RGS22: variants seen among roughly 807,000 people sequenced by gnomAD.
RGS22 encodes the protein regulator of G protein signaling 22.
Under a neutral mutation model 172.9 loss-of-function variants are expected in RGS22, and 148 were observed. The ratio of observed to expected loss-of-function variants is 0.86; its 90% CI spans 0.75 to 0.98. RGS22 has a LOEUF of 0.98. Among genes scored for constraint, RGS22 ranks in the 50% least tolerant of loss-of-function variants. The pLI is 0.00. For missense variants in RGS22, 1,347 were observed against 1,440.8 expected (o/e 0.93, Z 1.05); for synonymous variants, 458 against 480.2 (o/e 0.95, Z 0.60).
intron 23 of RGS22, among the ~76,000 whole-genome samples, chr8:99,975,954 C>A (rs532278887): frequency 2.0e-5 from 3 of 152,268 alleles, no homozygotes; most frequent in Non-Finnish European, 2.9e-5. Context: ...CTTTGGGAGG[C>A]TGAGGTGGGC....
intron 14 of RGS22, among the ~76,000 whole-genome samples, chr8:100,029,448 TC>T (rs1447065603): frequency 2.0e-5 from 3 of 152,242 alleles, no homozygotes; most frequent in Admixed American, 6.5e-5. Flanking sequence ...ATGCCTGTAA[TC>T]CCAGCACTTT....
At chr8:99,976,201 TA>T (rs947677014) in intron 23 of RGS22, among the ~76,000 whole-genome samples, 2 of 151,156 alleles carry the variant, frequency 1.3e-5, no homozygotes, top group East Asian at 2.0e-4. Context: ...AGAAATAAAA[TA>T]AAAAAAATAA....
At chr8:100,024,624 T>C (rs1406130633) in intron 14 of RGS22, among the ~76,000 whole-genome samples, 1 of 152,184 alleles carries the variant, frequency 6.6e-6, no homozygotes, top group East Asian at 1.9e-4. Context: ...TAGTTTAAGA[T>C]ATTAAAGTGA....
chr8:100,001,213 TATATATAC>T (rs1168730298), intron 18 of RGS22, among the ~76,000 whole-genome samples: 3 of 133,272 alleles, frequency 2.3e-5, no homozygotes, highest in South Asian at 4.7e-4. Flanking sequence ...TATATATATA[TATATATAC>T]ATATATATAT....
At chr8:100,051,558 TATAA>T (rs375080371) in intron 10 of RGS22, among the ~76,000 whole-genome samples, 253 of 18,188 alleles carry the variant, frequency 0.014, 77 homozygotes, top group East Asian at 0.023. Context: ...CATGTATTTA[TATAA>T]ATATATATTT....
chr8:99,980,695 T>C (rs571259534), intron 22 of RGS22, among the ~76,000 whole-genome samples: 1 of 152,312 alleles, frequency 6.6e-6, no homozygotes, highest in East Asian at 1.9e-4. Flanking sequence ...GTAGAAGTCA[T>C]AGGCTAGAAG....
At chr8:99,994,367 C>T (rs902932150) in intron 20 of RGS22, among the ~76,000 whole-genome samples, 24 of 152,146 alleles carry the variant, frequency 1.6e-4, no homozygotes, top group African/African-American at 4.3e-4. Flanking sequence ...TAGAAAACCC[C>T]GTCATCTCAG....
At chr8:100,101,144 AAGTC>A (rs1813440497) in intron 2 of RGS22, among the ~76,000 whole-genome samples, 1 of 152,194 alleles carries the variant, frequency 6.6e-6, no homozygotes. Context: ...TTGAATGTAA[AAGTC>A]AGGCTCTTAA....
intron 2 of RGS22, among the ~76,000 whole-genome samples, chr8:100,097,448 T>TG (rs1287063249): frequency 6.6e-6 from 1 of 152,206 alleles, no homozygotes; most frequent in Non-Finnish European, 1.5e-5. Flanking sequence ...GATGGACTGA[T>TG]GGATGATGAG....
chr8:100,088,424 C>A (rs535574500), intron 3 of RGS22, among the ~76,000 whole-genome samples: 1 of 151,984 alleles, frequency 6.6e-6, no homozygotes, highest in African/African-American at 2.4e-5. Flanking sequence ...GCATAAAACA[C>A]ACAAAACAAA....
chr8:99,983,182 C>T (rs1025337987), intron 21 of RGS22, among the ~76,000 whole-genome samples: 1 of 152,150 alleles, frequency 6.6e-6, no homozygotes, highest in Non-Finnish European at 1.5e-5. Context: ...ATATGTACCA[C>T]ATTTTCTTTA....
intron 7 of RGS22, 67 bp from the exon 8 acceptor site, chr8:100,064,110 T>TG: frequency 8.3e-7 from 1 of 1,205,202 alleles, no homozygotes; most frequent in Admixed American, 2.6e-5. Flanking sequence ...ATTAAATAGA[T>TG]GCTATAGAGC....
At chr8:99,988,746 T>C (rs971949133) in intron 20 of RGS22, among the ~76,000 whole-genome samples, 2 of 152,164 alleles carry the variant, frequency 1.3e-5, no homozygotes, top group Non-Finnish European at 2.9e-5. Flanking sequence ...AACTGAAAAG[T>C]GAAGGCAACT....
intron 14 of RGS22, among the ~76,000 whole-genome samples, chr8:100,017,766 A>G (rs1001530202): frequency 6.6e-6 from 1 of 152,210 alleles, no homozygotes; most frequent in African/African-American, 2.4e-5. Context: ...TGATATATAA[A>G]TAATATAGTC....
intron 14 of RGS22, among the ~76,000 whole-genome samples, chr8:100,018,254 T>A (rs1370807902): frequency 6.6e-6 from 1 of 152,058 alleles, no homozygotes. Flanking sequence ...TAAAAAATCT[T>A]TTACAGTACT....
At chr8:100,054,956 G>A (rs2131722023) in intron 9 of RGS22, among the ~76,000 whole-genome samples, 1 of 152,290 alleles carries the variant, frequency 6.6e-6, no homozygotes, top group Middle Eastern at 3.4e-3. Flanking sequence ...AGCACTACAA[G>A]TTATGCTTTG....
At chr8:99,977,824 C>G in intron 23 of RGS22, 93 bp downstream of exon 23, 3 of 1,077,046 alleles carry the variant, frequency 2.8e-6, no homozygotes, top group Non-Finnish European at 4.0e-6. Flanking sequence ...CATAACTTCT[C>G]TCTATATATC....
chr8:100,022,911 G>A (rs2131469943), intron 14 of RGS22, among the ~76,000 whole-genome samples: 1 of 151,964 alleles, frequency 6.6e-6, no homozygotes, highest in Middle Eastern at 3.4e-3. Flanking sequence ...TATTTTTTTT[G>A]TAGAGATAGG....
chr8:100,017,242 A>G (rs1588982950), intron 14 of RGS22, among the ~76,000 whole-genome samples: 1 of 151,960 alleles, frequency 6.6e-6, no homozygotes, highest in African/African-American at 2.4e-5. Flanking sequence ...TTGGCCTCCC[A>G]AAGTACTGGG....
Sources: allele counts gnomAD v4.1 joint callset (sites outside exome capture counted in the v4.1 genomes callset), GRCh38; gene constraint gnomAD v4.1.1; transcripts MANE v1.5; gene names NCBI Gene and HGNC (gene_info 2026-07-23, HGNC 2026-07-21).